The following LRP2 variants were observed in gnomAD, a reference collection of about 807,000 sequenced individuals.
LRP2 encodes LDL receptor related protein 2, also known as low-density lipoprotein receptor-related protein 2.
Under a neutral mutation model 531.0 loss-of-function variants are expected in LRP2, and 172 were observed. The ratio of observed to expected loss-of-function variants is 0.32; its 90% CI spans 0.29 to 0.37. LRP2 has a LOEUF of 0.37. LRP2 is among the 10% of genes least tolerant of loss of function. The pLI, the probability that LRP2 is intolerant of heterozygous loss-of-function variation, is 1.00. For synonymous variants in LRP2, 1,992 were observed against 2,027.6 expected (o/e 0.98, Z 0.47); for missense variants, 5,167 against 5,868.3 (o/e 0.88, Z 3.90).
At chr2:169,138,383 T>G (rs998473916) in intron 75 of LRP2, among the ~76,000 whole-genome samples, 194 bp downstream of exon 75, 7 of 152,180 alleles carry the variant, frequency 4.6e-5, no homozygotes, top group African/African-American at 1.7e-4. Flanking sequence ...AGGGGTAAAT[T>G]CCAATGTTAT....
chr2:169,146,028 TC>T, intron 69 of LRP2, 105 bp from the exon 70 acceptor site: 1 of 1,030,738 alleles, frequency 9.7e-7, no homozygotes, highest in Non-Finnish European at 1.5e-6. Flanking sequence ...CTTGAATTAT[TC>T]CCTCATACAA....
Position 169,206,491 on chromosome 2 carries a change from G to A in LRP2, c.7229C>T (p.Pro2410Leu), listed in dbSNP as rs763802156. The A allele has an allele frequency of 3.7e-6, 6 of 1,614,056 alleles. No individual in the cohort carries two copies. In the African/African-American group the frequency reaches 6.7e-5, roughly 18 times the overall value. The change falls in exon 39 of 79, where the codon CCA (proline) becomes CTA (leucine). Residue 2410 changes from proline (P) to leucine (L), a missense_variant. Physicochemically the swap from Pro to Leu is moderately conservative, Grantham distance 98. Coordinates refer to ENST00000649046, the MANE Select transcript of LRP2 (RefSeq NM_004525.3). ...SLHLDPENHS[P>L]PFQTINVERT... is the part of the protein sequence containing the mutation. ...TTCCACATTTATTGTTTGGAAAGGT[G>A]GGCTATGGTTTTCAGGGTCCAAGTG...
chr2:169,184,559 A>C (rs1687558385), intron 50 of LRP2, among the ~76,000 whole-genome samples: 1 of 152,220 alleles, frequency 6.6e-6, no homozygotes, highest in Non-Finnish European at 1.5e-5. Context: ...TATGCTGCCA[A>C]GAATCCGATA....
chr2:169,260,245 A>C (rs915788261), intron 16 of LRP2, among the ~76,000 whole-genome samples: 2 of 152,140 alleles, frequency 1.3e-5, no homozygotes, highest in African/African-American at 2.4e-5. Context: ...TAAAAGAGTA[A>C]TGAGTGCTGA....
chr2:169,285,879 G>A (rs756962749), intron 9 of LRP2, among the ~76,000 whole-genome samples: 4 of 152,200 alleles, frequency 2.6e-5, no homozygotes, highest in South Asian at 2.1e-4. Context: ...GATTACCACC[G>A]AGGTATTCAC....
chr2:169,139,432 C>T, intron 73 of LRP2, 61 bp from the exon 74 acceptor site: 3 of 1,614,022 alleles, frequency 1.9e-6, no homozygotes, highest in African/African-American at 1.3e-5. Context: ...CTGGCAGAAA[C>T]TGGGGGCTAG....
chr2:169,186,164 G>C, intron 49 of LRP2, 145 bp from the exon 50 acceptor site: 2 of 734,946 alleles, frequency 2.7e-6, no homozygotes, highest in Non-Finnish European at 4.4e-6. Context: ...AAAGACTGTG[G>C]ATTATTGAAA....
intron 37 of LRP2, among the ~76,000 whole-genome samples, chr2:169,210,116 A>G (rs1341977761): frequency 6.6e-6 from 1 of 152,244 alleles, no homozygotes; most frequent in African/African-American, 2.4e-5. Context: ...TTTCCTTTAT[A>G]GAAGAATATT....
chr2:169,209,092 T>C (rs894486130), intron 38 of LRP2, among the ~76,000 whole-genome samples: 1 of 152,218 alleles, frequency 6.6e-6, no homozygotes, highest in African/African-American at 2.4e-5. Flanking sequence ...TTCCATAGTT[T>C]ATATTTTTAT....
intron 45 of LRP2, 34 bp from the exon 46 acceptor site, chr2:169,197,064 A>G: frequency 1.9e-6 from 3 of 1,611,764 alleles, no homozygotes; most frequent in Non-Finnish European, 2.5e-6. Flanking sequence ...ACCCATGAGC[A>G]AAACACAAGC....
At chr2:169,279,735 T>C in intron 11 of LRP2, 140 bp from the exon 12 acceptor site, 1 of 630,232 alleles carries the variant, frequency 1.6e-6, no homozygotes, top group African/African-American at 1.8e-5. Flanking sequence ...CAAGTTATCA[T>C]TTAAATAAAT....
chr2:169,282,772 A>G, intron 10 of LRP2, 101 bp downstream of exon 10: 2 of 1,341,346 alleles, frequency 1.5e-6, no homozygotes, highest in Non-Finnish European at 2.1e-6. Context: ...AGCCCTGCCA[A>G]CAACAAAAAT....
At chr2:169,299,136 AAAGAAAGAAAGAAAGAAAG>A (rs1360238040) in intron 4 of LRP2, among the ~76,000 whole-genome samples, 1 of 35,532 alleles carries the variant, frequency 2.8e-5, no homozygotes, top group African/African-American at 7.0e-5. Flanking sequence ...AGAAAGAAAG[AAAGAAAGAAAGAAAGAAAG>A]AAAAAAAGAA....
Position 169,173,208 on chromosome 2 carries a change from G to T in LRP2, c.11031C>A (p.Leu3677=). Reference sequence around the variant, plus strand: ...AGCTGAATTCTGTGAAGTTGTCACAGAGATGGGCAGAGCTCACTGAAAAGG... The same window carrying T: ...AGCTGAATTCTGTGAAGTTGTCACATAGATGGGCAGAGCTCACTGAAAAGG... The part of the protein sequence containing the change: ...PIEECMSSAH[L]CDNFTEFSCK... Residue 3677 remains leucine, a synonymous_variant, in exon 57 of 79, where the codon CTC becomes CTA. Coordinates refer to ENST00000649046, the MANE Select transcript of LRP2 (RefSeq NM_004525.3). The T allele has an allele frequency of 2.5e-6, 4 of 1,614,192 alleles. No homozygotes were observed. Among genetic ancestry groups the T allele is most frequent in the Non-Finnish European group, 3.4e-6 (4 of 1,180,038 alleles).
intron 69 of LRP2, among the ~76,000 whole-genome samples, chr2:169,146,212 A>G (rs1234129915): frequency 6.6e-6 from 1 of 152,220 alleles, no homozygotes; most frequent in Non-Finnish European, 1.5e-5. Context: ...GCATTTTTGG[A>G]AAACAATTTA....
chr2:169,299,129 AAG>A (rs1421756263), intron 4 of LRP2, among the ~76,000 whole-genome samples: 25 of 86,788 alleles, frequency 2.9e-4, no homozygotes, highest in African/African-American at 1.0e-3. Flanking sequence ...GAAAGAAAGA[AAG>A]AAAGAAAGAA....
chr2:169,288,900 G>T, intron 9 of LRP2, 126 bp downstream of exon 9: 3 of 1,432,306 alleles, frequency 2.1e-6, no homozygotes, highest in Non-Finnish European at 2.0e-6. Context: ...GTGAGGTCTG[G>T]GTTGCTCTTT....
intron 28 of LRP2, 130 bp from the exon 29 acceptor site, chr2:169,236,198 C>T: frequency 1.3e-6 from 1 of 764,032 alleles, no homozygotes; most frequent in Non-Finnish European, 2.2e-6. Flanking sequence ...AGAATATATT[C>T]ACAGAGTTTA....
intron 1 of LRP2, among the ~76,000 whole-genome samples, chr2:169,347,454 A>AT (rs1255866043): frequency 6.6e-6 from 1 of 152,076 alleles, no homozygotes; most frequent in Non-Finnish European, 1.5e-5. Context: ...GAACTTAATA[A>AT]TTTTTTTCAT....
Sources: allele counts gnomAD v4.1 joint callset (sites outside exome capture counted in the v4.1 genomes callset), GRCh38; gene constraint gnomAD v4.1.1; transcripts MANE v1.5; gene names NCBI Gene and HGNC (gene_info 2026-07-23, HGNC 2026-07-21).